Variants in NPNT observed in about 807,000 individuals in gnomAD.
NPNT encodes nephronectin.
In NPNT, 45 loss-of-function variants were observed where a neutral mutation model predicts 68.6. The observed-to-expected ratio is 0.66, with a 90% confidence interval of 0.52 to 0.84. The LOEUF (loss-of-function observed/expected upper bound fraction) is 0.84. Ranked by LOEUF, NPNT falls within the 40% of genes least tolerant of loss-of-function variation. The pLI is 0.00. For missense variants in NPNT, 672 were observed against 714.8 expected (o/e 0.94, Z 0.68); for synonymous variants, 233 against 253.3 (o/e 0.92, Z 0.76).
Position 105,967,389 on chromosome 4 carries a change from G to A in NPNT, c.1547G>A (p.Gly516Asp). ...GGAGCAGCCCTGTGGGGAAGAAATGGTGGCCATGGCTGGAGGCAAACACAG... is the reference window on the plus strand; with the variant it reads ...GGAGCAGCCCTGTGGGGAAGAAATGATGGCCATGGCTGGAGGCAAACACAG... ...AHGAALWGRN[G>D]GHGWRQTQIT... Residue 516 changes from glycine to aspartate, a missense_variant, in exon 11 of 12, where the codon GGT becomes GAT. Physicochemically the swap from Gly to Asp is moderately conservative, Grantham distance 94 (BLOSUM62 -1). Coordinates refer to ENST00000379987, the MANE Select transcript of NPNT (RefSeq NM_001033047.3). 6.2e-7 allele frequency: 1 copy of A among 1,606,022 alleles called. No individual in the cohort carries two copies. The highest frequency in any genetic ancestry group is 8.5e-7 in the Non-Finnish European group (1 of 1,176,476).
chr4:105,916,497 C>T (rs1400654582), intron 2 of NPNT, among the ~76,000 whole-genome samples: 1 of 151,978 alleles, frequency 6.6e-6, no homozygotes, highest in Non-Finnish European at 1.5e-5. Context: ...ACTGAGATTA[C>T]AGGCCTGGGC....
At chr4:105,961,200 T>C (rs1315458479) in intron 10 of NPNT, among the ~76,000 whole-genome samples, 1 of 152,278 alleles carries the variant, frequency 6.6e-6, no homozygotes, top group East Asian at 1.9e-4. Context: ...GACAGTCCAA[T>C]ACTCAGAACA....
At chr4:105,936,911 T>A in intron 3 of NPNT, 98 bp from the exon 4 acceptor site, 1 of 1,212,536 alleles carries the variant, frequency 8.2e-7, no homozygotes, top group East Asian at 2.6e-5. Flanking sequence ...CTTGACCTAT[T>A]TTTCTCTTTC....
chr4:105,913,784 T>C (rs1213411458), intron 2 of NPNT, among the ~76,000 whole-genome samples: 2 of 152,186 alleles, frequency 1.3e-5, no homozygotes, highest in African/African-American at 2.4e-5. Context: ...TGGGATAGTT[T>C]TCTGTGCTTC....
At position 105,967,464 on chromosome 4, in the gene NPNT, A is replaced by C. The variant is rs761675705; in HGVS notation, c.1602+20A>C. 3 of 1,527,320 alleles carry C rather than the reference A, an allele frequency of 2.0e-6. No homozygotes were observed. The East Asian group carries it at 7.0e-5, about 36-fold the overall frequency. 94.6% of individuals were successfully genotyped at this position (1,527,320 alleles called of 1,614,324 possible). A position where few individuals can be genotyped will look rare whatever the true frequency, so the allele number is the denominator to read the frequency against. On this transcript the variant is annotated intron_variant, in intron 11 of 11. Transcript: ENST00000379987. ...AAGAGCGTAAGTAGATCCACAAAGG[A>C]GGCAGGACCTGGGACGTTTTCCTTT... is the stretch of plus-strand genomic sequence containing the variant.
intron 1 of NPNT, among the ~76,000 whole-genome samples, chr4:105,897,244 T>A (rs1030016566): frequency 1.3e-5 from 2 of 152,230 alleles, no homozygotes; most frequent in Non-Finnish European, 1.5e-5. Flanking sequence ...GAAAATACTA[T>A]GAATTGTTGA....
At chr4:105,958,163 A>G (rs1388915950) in intron 8 of NPNT, among the ~76,000 whole-genome samples, 1 of 152,210 alleles carries the variant, frequency 6.6e-6, no homozygotes, top group Non-Finnish European at 1.5e-5. Flanking sequence ...AGAGATGAAT[A>G]GTTGGCTAGA....
chr4:105,957,263 C>T (rs1731305360), intron 8 of NPNT, among the ~76,000 whole-genome samples: 1 of 152,114 alleles, frequency 6.6e-6, no homozygotes, highest in African/African-American at 2.4e-5. Flanking sequence ...CGTTTATCTC[C>T]ATATTTAAAG....
chr4:105,927,850 C>G (rs1320384075), intron 3 of NPNT, among the ~76,000 whole-genome samples: 1 of 152,008 alleles, frequency 6.6e-6, no homozygotes, highest in African/African-American at 2.4e-5. Flanking sequence ...CTGAGCCCTT[C>G]GATTCGTGAT....
Position 105,936,178 on chromosome 4 carries a change from T to C in NPNT, c.266-831T>C, listed in dbSNP as rs193177438. Reference sequence around the variant, plus strand: ...CATTTCATATTGATACTTAAACCAATAAACCTGAAATACATGACAGTCTAT... The same window carrying C: ...CATTTCATATTGATACTTAAACCAACAAACCTGAAATACATGACAGTCTAT... On this transcript the variant is annotated intron_variant, in intron 3 of 11. Coordinates refer to ENST00000379987, the MANE Select transcript of NPNT (RefSeq NM_001033047.3). Among the ~76,000 whole-genome samples the C allele has an allele frequency of 7.9e-5, 12 of 152,370 alleles. No homozygotes were observed. In the East Asian group the frequency reaches 2.1e-3, roughly 27 times the overall value.
At chr4:105,914,453 AATATAAT>A (rs901941463) in intron 2 of NPNT, among the ~76,000 whole-genome samples, 3 of 139,752 alleles carry the variant, frequency 2.1e-5, no homozygotes, top group African/African-American at 8.0e-5. Flanking sequence ...ACATATACAT[AATATAAT>A]ATATAATATA....
At position 105,940,595 on chromosome 4, in the gene NPNT, A is replaced by C. The variant is rs772352296; in HGVS notation, c.722A>C (p.Lys241Thr). Residue 241 changes from lysine to threonine, a missense_variant, in exon 7 of 12, where the codon AAA becomes ACA. Coordinates refer to ENST00000379987, the MANE Select transcript of NPNT (RefSeq NM_001033047.3). ...CYNIRGSYKCKCKEGYQGDGL... is the reference protein window; with the variant it reads ...CYNIRGSYKCTCKEGYQGDGL... Reference sequence around the variant, plus strand: ...AACATACGTGGGTCCTACAAGTGCAAATGTAAAGAAGGATACCAGGGTGAT... The same window carrying C: ...AACATACGTGGGTCCTACAAGTGCACATGTAAAGAAGGATACCAGGGTGAT... The C allele has an allele frequency of 6.2e-7, 1 of 1,613,476 alleles. No homozygotes were observed. Among genetic ancestry groups the C allele is most frequent in the Non-Finnish European group, 8.5e-7 (1 of 1,179,474 alleles).
At chr4:105,949,906 C>G (rs1295976864) in intron 8 of NPNT, among the ~76,000 whole-genome samples, 1 of 152,114 alleles carries the variant, frequency 6.6e-6, no homozygotes, top group Non-Finnish European at 1.5e-5. Flanking sequence ...TGAGTATATC[C>G]TGTTTATGAT....
intron 10 of NPNT, 121 bp downstream of exon 10, chr4:105,959,247 CA>C (rs1378274378): frequency 2.5e-5 from 16 of 633,578 alleles, no homozygotes; most frequent in Non-Finnish European, 2.8e-5. Flanking sequence ...TAAAGATGGT[CA>C]AAAAGGACCA....
intron 8 of NPNT, among the ~76,000 whole-genome samples, chr4:105,945,622 C>A (rs557289792): frequency 1.3e-5 from 2 of 152,180 alleles, no homozygotes; most frequent in African/African-American, 4.8e-5. Flanking sequence ...TTAAGTGTGA[C>A]CTTTTCTCAC....
chr4:105,924,044 C>T (rs559597706), intron 2 of NPNT, among the ~76,000 whole-genome samples: 4 of 151,656 alleles, frequency 2.6e-5, no homozygotes, highest in East Asian at 3.9e-4. Context: ...GCTGCGCCCC[C>T]CCCCCACCAC....
chr4:105,953,443 AC>A (rs935169202), intron 8 of NPNT, among the ~76,000 whole-genome samples: 1 of 152,140 alleles, frequency 6.6e-6, no homozygotes, highest in Non-Finnish European at 1.5e-5. Flanking sequence ...GAGTCCAACA[AC>A]CCTTTTCTTT....
chr4:105,897,839 A>G (rs1208481717), intron 1 of NPNT, 62 bp from the exon 2 acceptor site: 4 of 1,323,176 alleles, frequency 3.0e-6, no homozygotes, highest in East Asian at 4.6e-5. Context: ...GTAATAATAC[A>G]GAGGAAATTA....
At chr4:105,932,622 A>T (rs1184517498) in intron 3 of NPNT, 1 of 1,534,868 alleles carries the variant, frequency 6.5e-7, no homozygotes, top group Non-Finnish European at 8.7e-7. Flanking sequence ...AGACGAGCAC[A>T]TCCCAGCTCC....
Sources: gnomAD v4.1 joint callset for allele counts (sites outside exome capture counted in the v4.1 genomes callset) on GRCh38, gnomAD v4.1.1 for gene constraint, MANE v1.5 for transcripts, NCBI Gene and HGNC (gene_info 2026-07-23, HGNC 2026-07-21) for gene names.